Variants in F8 observed in about 807,000 individuals in gnomAD.
The protein encoded by F8 is coagulation factor VIII, also known as antihemophilic factor.
In F8, 12 loss-of-function variants were observed where a neutral mutation model predicts 140.6. The observed-to-expected ratio is 0.09, with a 90% CI of 0.05 to 0.14. The LOEUF is 0.14. Among genes scored for constraint, F8 ranks in the 10% least tolerant of loss-of-function variants. The pLI is 1.00. For missense variants in F8, 1,354 were observed against 1,720.7 expected (o/e 0.79, Z 3.77); for synonymous variants, 585 against 614.6 (o/e 0.95, Z 0.71).
intron 4 of F8, among the ~76,000 whole-genome samples, chrX:154,987,589 C>T (rs1557284343): frequency 3.5e-5 from 4 of 112,722 alleles, no homozygotes; most frequent in African/African-American, 9.6e-5. Context: ...TTACAAAATA[C>T]AAGCCCTCAC....
At chrX:154,900,673 C>T (rs782188277) in intron 20 of F8, among the ~76,000 whole-genome samples, 5 of 112,330 alleles carry the variant, frequency 4.5e-5, no homozygotes, top group Non-Finnish European at 9.4e-5. Context: ...AAAACTCTCA[C>T]GCCTCCTTTT....
chrX:154,877,511 G>A (rs2072826227), intron 22 of F8, among the ~76,000 whole-genome samples: 1 of 110,461 alleles, frequency 9.1e-6, no homozygotes, highest in Non-Finnish European at 1.9e-5. Flanking sequence ...CTTTTTTTTT[G>A]AGAGGGAGTC....
At chrX:154,972,707 C>CTTTTTTTTTTTTTTT (rs1184930129) in intron 6 of F8, among the ~76,000 whole-genome samples, 7 of 55,266 alleles carry the variant, frequency 1.3e-4, no homozygotes, top group African/African-American at 4.8e-4. Context: ...TTCTGTCTTT[C>CTTTTTTTTTTTTTTT]TTTTTTTTTT....
At chrX:155,001,417 C>T (rs1372103084) in intron 1 of F8, among the ~76,000 whole-genome samples, 1 of 105,547 alleles carries the variant, frequency 9.5e-6, no homozygotes, top group Non-Finnish European at 1.9e-5. Context: ...CCGCCTCAGC[C>T]GCCAGAGTAG....
At chrX:154,852,654 G>GTTC (rs1569559271) in intron 25 of F8, among the ~76,000 whole-genome samples, 1 of 110,941 alleles carries the variant, frequency 9.0e-6, no homozygotes, top group Non-Finnish European at 1.9e-5. Flanking sequence ...CTCCAACGTT[G>GTTC]TTCTTTTTCA....
intron 16 of F8, 55 bp from the exon 17 acceptor site, chrX:154,904,579 G>T: frequency 9.4e-7 from 1 of 1,064,082 alleles, no homozygotes; most frequent in Non-Finnish European, 1.3e-6. Context: ...CTATGAACCA[G>T]AGTGGATTTC....
intron 13 of F8, among the ~76,000 whole-genome samples, chrX:154,941,506 T>A (rs1320490441): frequency 2.7e-5 from 3 of 110,677 alleles, no homozygotes; most frequent in Admixed American, 9.6e-5. Context: ...GAGCACCCAG[T>A]TTCATAAAGC....
chrX:154,941,379 G>A (rs1296534787), intron 13 of F8, among the ~76,000 whole-genome samples: 5 of 109,889 alleles, frequency 4.6e-5, no homozygotes, highest in East Asian at 2.8e-4. Context: ...GTCTCTGATA[G>A]AACAGACTTT....
At chrX:154,966,377 C>G (rs1424348589) in intron 8 of F8, 49 bp downstream of exon 8, 123 of 1,199,341 alleles carry the variant, frequency 1.0e-4, no homozygotes, top group Non-Finnish European at 1.3e-4. Flanking sequence ...CTGGTAAGAA[C>G]TTTTTGAGTA....
chrX:154,966,315 C>T (rs1356577784), intron 8 of F8, 111 bp downstream of exon 8: 45 of 1,009,322 alleles, frequency 4.5e-5, no homozygotes, highest in Non-Finnish European at 5.3e-5. Context: ...CATTTGATTC[C>T]ATACCTGTAC....
At position 154,973,965 on chromosome X, in the gene F8, A is replaced by ATGTG. The variant is rs782207804; in HGVS notation, c.788-4417_788-4414dup. ...GAGCGCACCACCATGTCTGGCTAGC[A>ATGTG]TGTGTGTGTGTGTGTGTGTGTGTGT... On this transcript the variant is annotated intron_variant, in intron 6 of 25. Coordinates refer to ENST00000360256, the MANE Select transcript of F8 (RefSeq NM_000132.4). Among the ~76,000 whole-genome samples the ATGTG allele has an allele frequency of 1.7e-3, 175 of 103,436 alleles. 1 individual carries two copies. The highest frequency in any genetic ancestry group is 5.0e-3 in the African/African-American group (141 of 28,153). 89.8% of individuals were successfully genotyped at this position (103,436 alleles called of 115,157 possible). A position where few individuals can be genotyped will look rare whatever the true frequency, so the allele number is the denominator to read the frequency against.
At chrX:154,962,122 G>T (rs782409307) in intron 9 of F8, among the ~76,000 whole-genome samples, 1 of 112,142 alleles carries the variant, frequency 8.9e-6, no homozygotes, top group East Asian at 2.8e-4. Flanking sequence ...TGTTAAATAT[G>T]TATACTTAGC....
intron 21 of F8, among the ~76,000 whole-genome samples, chrX:154,896,546 AACAC>A (rs1242990767): frequency 2.8e-5 from 3 of 108,329 alleles, no homozygotes; most frequent in Non-Finnish European, 5.8e-5. Context: ...CATACACACA[AACAC>A]ACACACACCT....
intron 13 of F8, among the ~76,000 whole-genome samples, chrX:154,933,055 G>T (rs994023884): frequency 1.8e-5 from 2 of 111,705 alleles, no homozygotes; most frequent in Admixed American, 9.4e-5. Context: ...CCAAGCTGGA[G>T]TTTAGTTTTA....
chrX:154,945,517 A>C (rs192886789), intron 13 of F8, among the ~76,000 whole-genome samples: 27 of 112,417 alleles, frequency 2.4e-4, no homozygotes, highest in Non-Finnish European at 5.6e-5. Context: ...GATCATTTCA[A>C]TTGATGCCAA....
In F8 at chrX:154,992,929, C is replaced by T; in HGVS notation, c.601+7G>A. 1 of 1,200,964 alleles carries T rather than the reference C, an allele frequency of 8.3e-7. No homozygotes were observed. Among genetic ancestry groups the T allele is most frequent in the Non-Finnish European group, 1.1e-6 (1 of 885,774 alleles). ...TTCATCTCAATCCTACGCTTTCATA[C>T]ACTTACCTTCTCTACATACTAGTAG... is the stretch of plus-strand genomic sequence containing the variant. On this transcript the variant is annotated splice_region_variant and intron_variant, in intron 4 of 25. Coordinates refer to ENST00000360256, the MANE Select transcript of F8 (RefSeq NM_000132.4).
intron 13 of F8, among the ~76,000 whole-genome samples, chrX:154,946,645 C>T (rs1479829129): frequency 2.7e-5 from 3 of 111,484 alleles, no homozygotes; most frequent in African/African-American, 6.5e-5. Context: ...TGGGGGAATG[C>T]GCCAGGACAT....
intron 3 of F8, among the ~76,000 whole-genome samples, chrX:154,996,349 A>G (rs890661996): frequency 1.3e-4 from 15 of 112,445 alleles, no homozygotes; most frequent in African/African-American, 4.5e-4. Context: ...CACCCCCTTA[A>G]GACTCCTATA....
intron 14 of F8, among the ~76,000 whole-genome samples, chrX:154,925,217 G>A (rs1414964198): frequency 5.4e-5 from 6 of 112,114 alleles, no homozygotes; most frequent in African/African-American, 1.3e-4. Flanking sequence ...CACCCAAGTC[G>A]CCTCTTGAAT....
Sources: gnomAD v4.1 joint callset for allele counts (sites outside exome capture counted in the v4.1 genomes callset) on GRCh38, gnomAD v4.1.1 for gene constraint, MANE v1.5 for transcripts, NCBI Gene and HGNC (gene_info 2026-07-23, HGNC 2026-07-21) for gene names.